The following C4orf50 variants were observed in gnomAD, a reference collection of about 807,000 sequenced individuals.
C4orf50 encodes the protein uncharacterized protein C4orf50.
C4orf50 carries 80 observed loss-of-function variants against 77.2 expected under a neutral mutation model. That is an observed-to-expected ratio of 1.04 (90% CI 0.87 to 1.25). C4orf50 has a LOEUF of 1.25. Ranked by LOEUF, C4orf50 falls within the 50% of genes most tolerant of loss-of-function variation. The pLI is 0.00. For synonymous variants in C4orf50, 532 were observed against 465.3 expected, an observed-to-expected ratio of 1.14 and a Z score of -1.84; for missense variants, 1,257 against 1,152.9, an observed-to-expected ratio of 1.09 and a Z score of -1.31.
At chr4:5,961,096 T>A (rs967304836) in intron 33 of C4orf50, among the ~76,000 whole-genome samples, 28 of 152,214 alleles carry the variant, frequency 1.8e-4, no homozygotes, top group African/African-American at 6.8e-4. Flanking sequence ...AGTGTCACAA[T>A]GCATAGATTT....
chr4:5,956,575 G>T (rs140936321), downstream of C4orf50: 2 of 152,408 alleles, frequency 1.3e-5, no homozygotes, highest in African/African-American at 4.8e-5. Flanking sequence ...AAACAAGCCA[G>T]GCAGCAGGGA....
At chr4:5,897,763 T>C (rs879378100) in exon 8 of C4orf50, 1 of 151,940 alleles carries the variant, frequency 6.6e-6, no homozygotes, top group Non-Finnish European at 1.5e-5. Flanking sequence ...AGAGGGAGGG[T>C]TGAGCCCGAC....
intron 28 of C4orf50, among the ~76,000 whole-genome samples, chr4:5,982,479 G>A (rs550469483): frequency 1.3e-5 from 2 of 152,280 alleles, no homozygotes; most frequent in Non-Finnish European, 1.5e-5. Flanking sequence ...AGAATGACAG[G>A]CAGGTAGTTC....
rs753001031 is a variant in C4orf50 at position 5,980,338 on chromosome 4, G to C, written c.3700C>G (p.Leu1234Val). The change falls in exon 29 of 34, where the codon CTC becomes GTC. Residue 1234 changes from leucine (L) to valine (V), a missense_variant and splice_region_variant. By Grantham distance (32) the Leu-to-Val change is conservative (BLOSUM62 1). Transcript: ENST00000531445. ...GTAACCTCGGCCTCTGAGTCCCGGAGCTGCGGAAATCACAGATTTGAATGA... is the reference window on the plus strand; with the variant it reads ...GTAACCTCGGCCTCTGAGTCCCGGACCTGCGGAAATCACAGATTTGAATGA... The C allele has an allele frequency of 5.0e-6, 8 of 1,608,990 alleles. No individual in the cohort carries two copies. In the African/African-American group the frequency reaches 9.4e-5, roughly 19 times the overall value.
chr4:5,967,120 T>G (rs1003236494), intron 32 of C4orf50, among the ~76,000 whole-genome samples: 1 of 152,260 alleles, frequency 6.6e-6, no homozygotes, highest in African/African-American at 2.4e-5. Flanking sequence ...GGCAGGAACA[T>G]GCCTGTCCAC....
At chr4:6,016,346 C>G (rs180877871) in intron 23 of C4orf50, among the ~76,000 whole-genome samples, 1 of 152,240 alleles carries the variant, frequency 6.6e-6, no homozygotes, top group East Asian at 1.9e-4. Context: ...GTCAGACGTT[C>G]GAGACCTGCA....
At chr4:5,956,806 G>C (rs1284907179), downstream of C4orf50, 1 of 152,266 alleles carries the variant, frequency 6.6e-6, no homozygotes, top group Non-Finnish European at 1.5e-5. Context: ...TGGACCGTCT[G>C]GCTGGTCTCC....
chr4:5,931,610 C>T (rs1038358685), intron 7 of C4orf50, among the ~76,000 whole-genome samples: 12 of 152,132 alleles, frequency 7.9e-5, no homozygotes, highest in South Asian at 4.2e-4. Flanking sequence ...AGGCTCTGCG[C>T]GGCTGTTTTC....
intron 25 of C4orf50, among the ~76,000 whole-genome samples, chr4:5,999,975 G>A (rs1721758641): frequency 6.6e-6 from 1 of 152,190 alleles, no homozygotes; most frequent in Non-Finnish European, 1.5e-5. Flanking sequence ...ATGGGGGACT[G>A]AGCTTGAAGG....
At chr4:5,937,670 A>G (rs1229423517) in intron 7 of C4orf50, among the ~76,000 whole-genome samples, 1 of 152,190 alleles carries the variant, frequency 6.6e-6, no homozygotes, top group Non-Finnish European at 1.5e-5. Flanking sequence ...AAATACAGCT[A>G]TATGCTGTTA....
downstream of C4orf50, among the ~76,000 whole-genome samples, chr4:5,956,052 G>T (rs978573119): frequency 1.3e-5 from 2 of 152,178 alleles, no homozygotes; most frequent in Admixed American, 1.3e-4. Flanking sequence ...CAGATACACA[G>T]TCACGCATAT....
chr4:5,914,273 C>G (rs4689295), intron 7 of C4orf50, among the ~76,000 whole-genome samples: 47,586 of 143,540 alleles, frequency 0.33, 8,020 homozygotes, highest in Admixed American at 0.42. Flanking sequence ...GGCGCAATCT[C>G]GGCTCACTGC....
At chr4:5,906,583 G>A (rs888053380) in intron 7 of C4orf50, among the ~76,000 whole-genome samples, 2 of 152,120 alleles carry the variant, frequency 1.3e-5, no homozygotes, top group South Asian at 2.1e-4. Flanking sequence ...CTCTGTCTGT[G>A]CACAGCATCC....
intron 7 of C4orf50, among the ~76,000 whole-genome samples, chr4:5,926,616 G>A (rs1453121802): frequency 6.6e-6 from 1 of 152,016 alleles, no homozygotes; most frequent in East Asian, 1.9e-4. Flanking sequence ...TGTGAATTTT[G>A]CCTCAATTTT....
At chr4:5,989,114 C>T (rs1721092303) in exon 28 of C4orf50, 1 of 1,536,096 alleles carries the variant, frequency 6.5e-7, no homozygotes, top group Non-Finnish European at 8.7e-7. Context: ...CTGTGGTTAT[C>T]CCGCTCGAGC....
At chr4:5,942,071 G>C (rs1284921536) in intron 7 of C4orf50, among the ~76,000 whole-genome samples, 1 of 152,162 alleles carries the variant, frequency 6.6e-6, no homozygotes, top group Non-Finnish European at 1.5e-5. Context: ...GGTTGCTCCT[G>C]GAGGAATCTC....
intron 26 of C4orf50, among the ~76,000 whole-genome samples, chr4:5,993,395 T>A (rs948473857): frequency 1.3e-5 from 2 of 152,182 alleles, no homozygotes; most frequent in Non-Finnish European, 2.9e-5. Flanking sequence ...ATATGGAGGA[T>A]AATACCATCC....
At chr4:5,980,910 T>A (rs1322466935) in intron 28 of C4orf50, among the ~76,000 whole-genome samples, 1 of 151,948 alleles carries the variant, frequency 6.6e-6, no homozygotes, top group African/African-American at 2.4e-5. Flanking sequence ...GGATCTAACA[T>A]GAGATTAGCG....
rs945911026 is a variant in C4orf50, at chr4:6,011,258, C to A, written c.426+572G>T. 1.3e-5 allele frequency among the ~76,000 whole-genome samples: 2 copies of A among 152,090 alleles called. No individual in the cohort carries two copies. The highest frequency in any genetic ancestry group is 2.4e-5 in the African/African-American group (1 of 41,434). On this transcript the variant is annotated intron_variant, in intron 24 of 33. Transcript: ENST00000531445. This position sits in a 1 kb window ranked among gnomAD's most constrained non-coding sequence, Gnocchi z 4.2. ...CCATGCAGCGGAGTTGGCCACCTGG[C>A]CCCTCTGGAACTTTCCGACTCACCC...
Sources: gnomAD v4.1 joint callset for allele counts (sites outside exome capture counted in the v4.1 genomes callset) on GRCh38, gnomAD v4.1.1 for gene constraint, Gnocchi (gnomAD v3.1) non-coding constraint, MANE v1.5 for transcripts, NCBI Gene and HGNC (gene_info 2026-07-23, HGNC 2026-07-21) for gene names.